The following HOXA10 variants were observed in gnomAD, a reference collection of about 807,000 sequenced individuals.
HOXA10 encodes the protein homeobox protein Hox-A10.
HOXA10 carries 12 observed loss-of-function variants against 29.7 expected under a neutral mutation model. The ratio of observed to expected loss-of-function variants is 0.40; its 90% CI spans 0.26 to 0.65. HOXA10 has a LOEUF of 0.65. HOXA10 is among the 30% of genes least tolerant of loss of function. The pLI is 0.37. For missense variants in HOXA10, 656 were observed against 585.9 expected, an observed-to-expected ratio of 1.12 and a Z score of -1.24; for synonymous variants, 327 against 280.7, an observed-to-expected ratio of 1.16 and a Z score of -1.65.
chr7:27,175,466 C>A (rs1333987202), upstream of HOXA10, among the ~76,000 whole-genome samples: 3 of 152,238 alleles, frequency 2.0e-5, no homozygotes, highest in East Asian at 5.8e-4. Context: ...TGCATTTTAA[C>A]GAGGCCTCGG....
At chr7:27,177,951 G>A (rs1206654690), upstream of HOXA10, among the ~76,000 whole-genome samples, 2 of 152,210 alleles carry the variant, frequency 1.3e-5, no homozygotes, top group African/African-American at 4.8e-5. Flanking sequence ...GCCCTATGGG[G>A]CCAAAGTAAA....
In HOXA10 at chr7:27,171,734, G is replaced by A. The variant is rs527399102; in HGVS notation, c.*165C>T. Reference sequence around the variant, plus strand: ...CCAAGCAAACACAAAGAAACAAAAAGTCAGAACAAACCAGCCCTGCACAGA... The same window carrying A: ...CCAAGCAAACACAAAGAAACAAAAAATCAGAACAAACCAGCCCTGCACAGA... On this transcript the variant is annotated 3_prime_UTR_variant, in exon 2 of 2. Transcript: ENST00000283921. The A allele has an allele frequency of 1.3e-6, 1 of 795,682 alleles. No individual in the cohort carries two copies. The highest frequency in any genetic ancestry group is 2.4e-5 in the East Asian group (1 of 41,072). 49.3% of individuals were successfully genotyped at this position (795,682 alleles called of 1,614,324 possible). A position where few individuals can be genotyped will look rare whatever the true frequency, so the allele number is the denominator to read the frequency against.
rs184490812 is a variant in HOXA10 at position 27,172,419 on chromosome 7, T to C, written c.959-246A>G. 1,024 of 580,382 alleles carry C rather than the reference T, an allele frequency of 1.8e-3. 4 individuals are homozygous for C. Among genetic ancestry groups the C allele is most frequent in the African/African-American group, 0.016 (859 of 53,622 alleles). 36.0% of individuals were successfully genotyped at this position (580,382 alleles called of 1,614,324 possible). ...TCCCCCACTTTTCCAAACACCTGTT[T>C]TAGCGCTAAGCCGTAGATGCTTGCA... On this transcript the variant is annotated intron_variant, in intron 1 of 1. Coordinates refer to ENST00000283921, the MANE Select transcript of HOXA10 (RefSeq NM_018951.4).
Position 27,173,534 on chromosome 7 carries a change from G to A in HOXA10, c.773C>T (p.Ser258Phe), listed in dbSNP as rs778813394. Residue 258 changes from serine (S) to phenylalanine (F), a missense_variant, in exon 1 of 2, where the codon TCC (serine) becomes TTC (phenylalanine). Transcript: ENST00000283921. ...RGFDLPPALASGSADAARKER... is the reference protein window; with the variant it reads ...RGFDLPPALAFGSADAARKER... Reference sequence around the variant, plus strand: ...CTTCCGGGCCGCATCGGCCGAGCCGGAGGCTAGCGCGGGCGGGAGATCGAA... The same window carrying A: ...CTTCCGGGCCGCATCGGCCGAGCCGAAGGCTAGCGCGGGCGGGAGATCGAA... The A allele has an allele frequency of 9.1e-5, 132 of 1,456,046 alleles. No individual in the cohort carries two copies. Among genetic ancestry groups the A allele is most frequent in the Non-Finnish European group, 1.1e-4 (128 of 1,113,070 alleles). The allele number at this position is 1,456,046 out of a possible 1,614,324, so 90.2% of individuals were successfully genotyped here.
rs538881123 is a variant in HOXA10, at chr7:27,174,172, A to G, written c.135T>C (p.Gly45=). 4 of 1,596,692 alleles carry G rather than the reference A, an allele frequency of 2.5e-6. 1 individual carries two copies. Among genetic ancestry groups the G allele is most frequent in the Admixed American group, 3.3e-5 (2 of 59,954 alleles). The change falls in exon 1 of 2, where the codon GGT becomes GGC. Residue 45 remains glycine, a synonymous_variant. Transcript: ENST00000283921. ...ISSGRGEAGG[G]GGGAGGGGGG... ...CGCCGCCGCCCCCCGCGCCACCACC[A>G]CCGCCGCCTGCCTCGCCTCTGCCCG...
chr7:27,173,969 G>A lies in HOXA10; in HGVS notation c.338C>T (p.Ser113Leu). The change falls in exon 1 of 2, where the codon TCG becomes TTG. Residue 113 changes from serine (S) to leucine (L), a missense_variant. Coordinates refer to ENST00000283921, the MANE Select transcript of HOXA10 (RefSeq NM_018951.4). ...LGPGAHGYGP[S>L]PIDLWLDAPR... Reference sequence around the variant, plus strand: ...CGCGTCTAGCCACAGGTCTATGGGCGAGGGCCCGTAGCCGTGCGCCCCGGG... The same window carrying A: ...CGCGTCTAGCCACAGGTCTATGGGCAAGGGCCCGTAGCCGTGCGCCCCGGG... The A allele has an allele frequency of 1.3e-6, 2 of 1,529,264 alleles. No homozygotes were observed. The highest frequency in any genetic ancestry group is 1.8e-6 in the Non-Finnish European group (2 of 1,142,070). 94.7% of individuals were successfully genotyped at this position (1,529,264 alleles called of 1,614,324 possible). A position where few individuals can be genotyped will look rare whatever the true frequency, so the allele number is the denominator to read the frequency against.
intron 1 of HOXA10, 139 bp downstream of exon 1, chr7:27,173,210 C>A: frequency 7.3e-7 from 1 of 1,375,324 alleles, no homozygotes; most frequent in Non-Finnish European, 1.0e-6. Flanking sequence ...TATTAAAAAG[C>A]AAGTTCACAA....
chr7:27,177,133 G>T (rs555642298), upstream of HOXA10, among the ~76,000 whole-genome samples: 4 of 152,236 alleles, frequency 2.6e-5, no homozygotes, highest in Non-Finnish European at 5.9e-5. Context: ...AAGTCAGTTT[G>T]TATCGCATCT....
chr7:27,176,375 G>A (rs1022313689), upstream of HOXA10, among the ~76,000 whole-genome samples: 3 of 152,202 alleles, frequency 2.0e-5, no homozygotes, highest in African/African-American at 7.2e-5. Context: ...CCCATGAGAC[G>A]GACGAACCTG....
Position 27,173,572 on chromosome 7 carries a change from G to A in HOXA10, c.735C>T (p.Pro245=), listed in dbSNP as rs1402299108. 1 of 1,471,026 alleles carries A rather than the reference G, an allele frequency of 6.8e-7. No homozygotes were observed. The allele number at this position is 1,471,026 out of a possible 1,614,324, so 91.1% of individuals were successfully genotyped here. The change falls in exon 1 of 2, where the codon CCC becomes CCT. Residue 245 remains proline, a synonymous_variant. Coordinates refer to ENST00000283921, the MANE Select transcript of HOXA10 (RefSeq NM_018951.4). ...QLGAGPFPAQ[P]PGRGFDLPPA... is the part of the protein sequence containing the mutation. ...GCGGGAGATCGAAACCGCGCCCCGG[G>A]GGCTGCGCGGGGAACGGGCCAGCCC...
upstream of HOXA10, among the ~76,000 whole-genome samples, chr7:27,177,804 A>G (rs1423648210): frequency 2.0e-5 from 3 of 152,100 alleles, no homozygotes; most frequent in African/African-American, 7.2e-5. Context: ...CCTCTCCCTC[A>G]GGGTAACTTT....
Position 27,174,183 on chromosome 7 carries a change from C to A in HOXA10, c.124G>T (p.Ala42Ser). Residue 42 changes from alanine to serine, a missense_variant, in exon 1 of 2, where the codon GCA becomes TCA. Physicochemically the swap from Ala to Ser is moderately conservative, Grantham distance 99 (BLOSUM62 1). Around this residue, in one of 2 missense-constraint regions of HOXA10, gnomAD observed 594 missense variants for 491.9 expected, o/e 1.21. Transcript: ENST00000283921. ...DSLISSGRGE[A>S]GGGGGGAGGG... ...CCCGCGCCACCACCACCGCCGCCTGCCTCGCCTCTGCCCGAGCTGATGAGC... is the reference window on the plus strand; with the variant it reads ...CCCGCGCCACCACCACCGCCGCCTGACTCGCCTCTGCCCGAGCTGATGAGC... 2 of 1,599,516 alleles carry A rather than the reference C, an allele frequency of 1.3e-6. No individual in the cohort carries two copies. The highest frequency in any genetic ancestry group is 1.7e-6 in the Non-Finnish European group (2 of 1,179,620).
At chr7:27,177,320 C>T (rs142484750), upstream of HOXA10, among the ~76,000 whole-genome samples, 5 of 152,330 alleles carry the variant, frequency 3.3e-5, no homozygotes, top group East Asian at 9.6e-4. Context: ...TGGGCTTGAG[C>T]TCCTTCTGGC....
At chr7:27,178,029 T>TGAAGGGCCTACTCA (rs1384671821), upstream of HOXA10, among the ~76,000 whole-genome samples, 2 of 152,216 alleles carry the variant, frequency 1.3e-5, no homozygotes, top group African/African-American at 4.8e-5. Context: ...TCCTTCTGAG[T>TGAAGGGCCTACTCA]AGGCCCTTGT....
chr7:27,178,778 A>G (rs1783699564), upstream of HOXA10, among the ~76,000 whole-genome samples: 1 of 152,268 alleles, frequency 6.6e-6, no homozygotes, highest in African/African-American at 2.4e-5. Flanking sequence ...AAAGAAAAAG[A>G]TGTGGGAAAC....
chr7:27,173,317 G>T, intron 1 of HOXA10, 32 bp downstream of exon 1: 1 of 1,610,288 alleles, frequency 6.2e-7, no homozygotes, highest in Non-Finnish European at 8.5e-7. Context: ...CTGTCTGCCC[G>T]CCTGACTGCA....
chr7:27,173,896 GGGC>G lies in HOXA10; in HGVS notation c.408_410del (p.Pro137del), dbSNP rs983079244. 68 of 1,534,578 alleles carry G rather than the reference GGGC, an allele frequency of 4.4e-5. No homozygotes were observed. Among genetic ancestry groups the G allele is most frequent in the Admixed American group, 3.6e-4 (17 of 47,656 alleles). ...GCGGCGGGGGCGGCGGCTGCTGCTG[GGGC>G]GGCGGCGGCGGCCCGTCAGGCGGCT... On this transcript the variant is annotated inframe_deletion, in exon 1 of 2. Coordinates refer to ENST00000283921, the MANE Select transcript of HOXA10 (RefSeq NM_018951.4).
chr7:27,172,343 T>A, intron 1 of HOXA10, 170 bp from the exon 2 acceptor site: 1 of 649,588 alleles, frequency 1.5e-6, no homozygotes, highest in Non-Finnish European at 2.7e-6. Flanking sequence ...CCAAAAGTCA[T>A]GACAAAAATT....
chr7:27,174,609 C>G, upstream of HOXA10: 1 of 466,102 alleles, frequency 2.1e-6, no homozygotes, highest in Non-Finnish European at 3.8e-6. Context: ...GACGTGAGCC[C>G]CATACCGGGG....
Sources: allele counts gnomAD v4.1 joint callset (sites outside exome capture counted in the v4.1 genomes callset), GRCh38; gene constraint gnomAD v4.1.1; regional missense constraint gnomAD v4.1.1; transcripts MANE v1.5; gene names NCBI Gene and HGNC (gene_info 2026-07-23, HGNC 2026-07-21).